TMEM204: variants seen among roughly 807,000 people sequenced by gnomAD.
TMEM204 encodes claudin-like protein 24.
Under a neutral mutation model 19.4 loss-of-function variants are expected in TMEM204, and 15 were observed. That is an observed-to-expected ratio of 0.77 (90% confidence interval 0.52 to 1.19). TMEM204 has a LOEUF of 1.19. TMEM204 is among the 50% of genes most tolerant of loss of function. TMEM204 has a pLI of 0.00. For missense variants in TMEM204, 287 were observed against 321.2 expected (o/e 0.89, Z 0.81); for synonymous variants, 161 against 146.0 (o/e 1.10, Z -0.74).
intron 2 of TMEM204, among the ~76,000 whole-genome samples, chr16:1,545,281 G>A (rs967965631): frequency 6.6e-6 from 1 of 151,974 alleles, no homozygotes; most frequent in East Asian, 1.9e-4. Flanking sequence ...CCGCCAGAAC[G>A]GCAGGCACCA....
intron 2 of TMEM204, among the ~76,000 whole-genome samples, chr16:1,548,982 T>A (rs1307431792): frequency 6.6e-6 from 1 of 152,214 alleles, no homozygotes; most frequent in Non-Finnish European, 1.5e-5. Flanking sequence ...CAGGGTAGGA[T>A]CTGGGCCACC....
In TMEM204 at chr16:1,553,802, T is replaced by A; in HGVS notation, c.437-980T>A. 8.3e-7 allele frequency: 1 copy of A among 1,198,664 alleles called. No homozygotes were observed. The highest frequency in any genetic ancestry group is 1.1e-6 in the Non-Finnish European group (1 of 946,844). 74.3% of individuals were successfully genotyped at this position (1,198,664 alleles called of 1,614,324 possible). On this transcript the variant is annotated intron_variant, in intron 2 of 2. Coordinates refer to ENST00000566264, the MANE Select transcript of TMEM204 (RefSeq NM_024600.6). The surrounding 1 kb of genome is among the most constrained non-coding windows in gnomAD (Gnocchi z 4.4). ...CTCTCCTCCATCCTAGAGCCTATGT[T>A]TCCAGCTGGATTAGGACGCCCGGCT...
chr16:1,530,532 G>C (rs527629309), upstream of TMEM204, among the ~76,000 whole-genome samples: 1 of 152,208 alleles, frequency 6.6e-6, no homozygotes. Flanking sequence ...CCTGCCCCGC[G>C]TGGCTCCTTT....
chr16:1,536,805 G>A lies in TMEM204; in HGVS notation c.280+2250G>A, dbSNP rs555564758. 4.9e-4 allele frequency among the ~76,000 whole-genome samples: 75 copies of A among 152,276 alleles called. 1 individual carries two copies. Among genetic ancestry groups the A allele is most frequent in the African/African-American group, 1.6e-3 (67 of 41,550 alleles). On this transcript the variant is annotated intron_variant, in intron 1 of 2. Transcript: ENST00000566264. ...CTGGTGCCCACCTCTCCAAGCCCAC[G>A]TGCTGCTCTCCCACGGGGTGGCCCC...
intron 1 of TMEM204, among the ~76,000 whole-genome samples, chr16:1,536,456 C>T (rs1408448028): frequency 6.6e-6 from 1 of 152,232 alleles, no homozygotes; most frequent in Non-Finnish European, 1.5e-5. Context: ...ATATTTACAA[C>T]ATCCTCCTGC....
chr16:1,534,975 C>T (rs1172129678), intron 1 of TMEM204, among the ~76,000 whole-genome samples: 5 of 151,942 alleles, frequency 3.3e-5, no homozygotes, highest in African/African-American at 9.7e-5. Context: ...GAGGCTGAGG[C>T]GGGAGGACTG....
intron 1 of TMEM204, 71 bp downstream of exon 1, chr16:1,534,626 C>G (rs953405013): frequency 5.7e-6 from 9 of 1,587,950 alleles, no homozygotes; most frequent in African/African-American, 1.3e-5. Context: ...ATGTTAGGCG[C>G]GGACCTGGTG....
chr16:1,542,070 C>G lies in TMEM204; in HGVS notation c.430C>G (p.Leu144Val). The part of the protein sequence containing the change: ...WEEAMAAAFQ[L>V]ASFVLVIGLV... Reference sequence around the variant, plus strand: ...GGAGGCCATGGCCGCTGCATTCCAACTGGCGAGTAAGTACCTGGGCGGGTG... The same window carrying G: ...GGAGGCCATGGCCGCTGCATTCCAAGTGGCGAGTAAGTACCTGGGCGGGTG... The change falls in exon 2 of 3, where the codon CTG becomes GTG. Residue 144 changes from leucine to valine, a missense_variant. Transcript: ENST00000566264. 1 of 1,605,904 alleles carries G rather than the reference C, an allele frequency of 6.2e-7. No homozygotes were observed. Among genetic ancestry groups the G allele is most frequent in the Non-Finnish European group, 8.5e-7 (1 of 1,177,096 alleles).
intron 1 of TMEM204, among the ~76,000 whole-genome samples, chr16:1,536,337 C>T (rs1004423219): frequency 6.6e-6 from 1 of 152,210 alleles, no homozygotes; most frequent in African/African-American, 2.4e-5. Flanking sequence ...GCCTGCTCAC[C>T]TCAGGCCAGC....
chr16:1,541,897 T>C, intron 1 of TMEM204, 24 bp from the exon 2 acceptor site: 1 of 1,568,180 alleles, frequency 6.4e-7, no homozygotes, highest in Non-Finnish European at 8.7e-7. Context: ...CACTCACCAC[T>C]GCCTCTCTGC....
chr16:1,541,858 C>T (rs1209560210), intron 1 of TMEM204, 63 bp from the exon 2 acceptor site: 10 of 1,486,998 alleles, frequency 6.7e-6, no homozygotes, highest in Middle Eastern at 1.8e-4. Context: ...AGTGGCGTGA[C>T]GGCTGGCGTG....
chr16:1,535,226 C>T (rs972135196), intron 1 of TMEM204, among the ~76,000 whole-genome samples: 3 of 152,040 alleles, frequency 2.0e-5, no homozygotes, highest in Non-Finnish European at 4.4e-5. Context: ...ACAGGGAGGC[C>T]AGGACGCTCG....
At chr16:1,538,916 G>T (rs2031340399) in intron 1 of TMEM204, among the ~76,000 whole-genome samples, 1 of 152,158 alleles carries the variant, frequency 6.6e-6, no homozygotes, top group African/African-American at 2.4e-5. Flanking sequence ...GGCTCCTGCT[G>T]GTCCCATCTG....
At position 1,543,688 on chromosome 16, in the gene TMEM204, C is replaced by A. The variant is rs542408314; in HGVS notation, c.436+1612C>A. Among the ~76,000 whole-genome samples, 14 of 152,336 alleles carry A rather than the reference C, an allele frequency of 9.2e-5. No homozygotes were observed. The South Asian group carries it at 2.9e-3, about 32-fold the overall frequency. Reference sequence around the variant, plus strand: ...AGGGATGTGGGACCTAGGACTGACTCCGCCTCCTCCCCTCCTGCATGACTG... The same window carrying A: ...AGGGATGTGGGACCTAGGACTGACTACGCCTCCTCCCCTCCTGCATGACTG... On this transcript the variant is annotated intron_variant, in intron 2 of 2. Coordinates refer to ENST00000566264, the MANE Select transcript of TMEM204 (RefSeq NM_024600.6).
In TMEM204 at chr16:1,553,001, A is replaced by G; in HGVS notation, c.437-1781A>G. ...AGAAGTATCCAGGAGCTACCCATGT[A>G]TAAGAAGCTCCATGAAGTATTATAA... On this transcript the variant is annotated intron_variant, in intron 2 of 2. Coordinates refer to ENST00000566264, the MANE Select transcript of TMEM204 (RefSeq NM_024600.6). The surrounding 1 kb of genome is among the most constrained non-coding windows in gnomAD (Gnocchi z 4.4). The G allele has an allele frequency of 1.0e-6, 1 of 985,394 alleles. No homozygotes were observed. 61.0% of individuals were successfully genotyped at this position (985,394 alleles called of 1,614,324 possible). A position where few individuals can be genotyped will look rare whatever the true frequency, so the allele number is the denominator to read the frequency against.
upstream of TMEM204, chr16:1,533,304 G>A (rs1302033072): frequency 6.6e-6 from 1 of 151,936 alleles, no homozygotes; most frequent in African/African-American, 2.4e-5. The surrounding 1 kb of genome is among the most constrained non-coding windows in gnomAD (Gnocchi z 4.7). Context: ...GGGGAGGCTT[G>A]TGGTTCCTAT....
Position 1,553,523 on chromosome 16 carries a change from T to C in TMEM204, c.437-1259T>C, listed in dbSNP as rs1023296593. Reference sequence around the variant, plus strand: ...CGTGGCCGGAGCCTGGGGAGGGACATGGACAAGTCCTCTATGGACAAGAGG... The same window carrying C: ...CGTGGCCGGAGCCTGGGGAGGGACACGGACAAGTCCTCTATGGACAAGAGG... On this transcript the variant is annotated intron_variant, in intron 2 of 2. Transcript: ENST00000566264. The surrounding 1 kb of genome is among the most constrained non-coding windows in gnomAD (Gnocchi z 4.4). 3 of 993,516 alleles carry C rather than the reference T, an allele frequency of 3.0e-6. No individual in the cohort carries two copies. The highest frequency in any genetic ancestry group is 3.5e-5 in the African/African-American group (2 of 57,366). 61.5% of individuals were successfully genotyped at this position (993,516 alleles called of 1,614,324 possible).
upstream of TMEM204, among the ~76,000 whole-genome samples, chr16:1,529,394 G>A (rs578026841): frequency 5.3e-5 from 8 of 152,356 alleles, no homozygotes; most frequent in South Asian, 1.2e-3. Context: ...CCTCACATGG[G>A]GCTCCTCACA....
intron 1 of TMEM204, among the ~76,000 whole-genome samples, chr16:1,536,955 G>A (rs943856947): frequency 2.6e-5 from 4 of 152,222 alleles, no homozygotes; most frequent in African/African-American, 4.8e-5. Context: ...AAATCCTGCC[G>A]TGTGACCTAG....
Sources: allele counts gnomAD v4.1 joint callset (sites outside exome capture counted in the v4.1 genomes callset), GRCh38; gene constraint gnomAD v4.1.1; non-coding constraint Gnocchi (gnomAD v3.1); transcripts MANE v1.5; gene names NCBI Gene and HGNC (gene_info 2026-07-23, HGNC 2026-07-21).